The following HPSE2 variants were observed in gnomAD, a reference collection of about 807,000 sequenced individuals.
HPSE2 encodes the protein inactive heparanase-2.
A neutral mutation model predicts 60.5 loss-of-function variants in HPSE2; 38 were observed. The ratio of observed to expected loss-of-function variants is 0.63; its 90% CI spans 0.48 to 0.82. HPSE2 has a LOEUF of 0.82. Among genes scored for constraint, HPSE2 ranks in the 40% least tolerant of loss-of-function variants. The pLI, the probability that HPSE2 is intolerant of heterozygous loss-of-function variation, is 0.00. For synonymous variants in HPSE2, 295 were observed against 293.2 expected (o/e 1.01, Z -0.06); for missense variants, 713 against 740.4 (o/e 0.96, Z 0.43).
intron 6 of HPSE2, among the ~76,000 whole-genome samples, chr10:98,652,456 T>C (rs1172849303): frequency 3.9e-5 from 6 of 152,164 alleles, no homozygotes; most frequent in Non-Finnish European, 8.8e-5. Flanking sequence ...GTCCCTAAAG[T>C]GACCTCCCAT....
intron 3 of HPSE2, among the ~76,000 whole-genome samples, chr10:98,915,381 TC>T (rs767147694): frequency 6.6e-6 from 1 of 152,076 alleles, no homozygotes; most frequent in Non-Finnish European, 1.5e-5. Flanking sequence ...TCTCCTGACC[TC>T]CTGATCTGCC....
At chr10:99,190,775 T>G (rs2796762) in intron 2 of HPSE2, among the ~76,000 whole-genome samples, 22,614 of 152,182 alleles carry the variant, frequency 0.15, 1,989 homozygotes, top group Admixed American at 0.22. Flanking sequence ...AAAATCAGCT[T>G]GGGTACCAGC....
intron 3 of HPSE2, among the ~76,000 whole-genome samples, chr10:99,139,477 CTA>C (rs1249916196): frequency 6.6e-6 from 1 of 150,894 alleles, no homozygotes; most frequent in Non-Finnish European, 1.5e-5. Context: ...ATAAACAAAA[CTA>C]AAACTGAAAA....
intron 3 of HPSE2, among the ~76,000 whole-genome samples, chr10:98,882,087 C>T (rs1417762407): frequency 6.6e-6 from 1 of 152,008 alleles, no homozygotes; most frequent in African/African-American, 2.4e-5. Context: ...TCTTAGTTGG[C>T]TTTTCCCTCC....
At chr10:98,597,063 C>T (rs926295216) in intron 9 of HPSE2, among the ~76,000 whole-genome samples, 1 of 152,004 alleles carries the variant, frequency 6.6e-6, no homozygotes, top group Admixed American at 6.5e-5. Flanking sequence ...GGGGAAAGTC[C>T]CTTATAAAAC....
intron 2 of HPSE2, among the ~76,000 whole-genome samples, chr10:99,222,852 T>C (rs1420569022): frequency 6.6e-6 from 1 of 152,200 alleles, no homozygotes; most frequent in Non-Finnish European, 1.5e-5. Flanking sequence ...AACTATTTTG[T>C]GTCACAACCC....
intron 3 of HPSE2, among the ~76,000 whole-genome samples, chr10:98,928,739 C>CA (rs1954554473): frequency 7.5e-6 from 1 of 133,282 alleles, no homozygotes; most frequent in African/African-American, 3.3e-5. Flanking sequence ...ATCGCAAGAA[C>CA]AAAAAACCAA....
At chr10:99,018,787 T>G (rs569326405) in intron 3 of HPSE2, among the ~76,000 whole-genome samples, 11 of 152,322 alleles carry the variant, frequency 7.2e-5, no homozygotes, top group African/African-American at 2.4e-4. Context: ...ACTCCTTTTT[T>G]GCCCACTCCT....
At chr10:99,099,433 C>T (rs1279759869) in intron 3 of HPSE2, among the ~76,000 whole-genome samples, 1 of 152,154 alleles carries the variant, frequency 6.6e-6, no homozygotes, top group Non-Finnish European at 1.5e-5. Flanking sequence ...AAGGCAGCAG[C>T]GAGGCTGGGG....
At chr10:98,906,572 A>C (rs1201507408) in intron 3 of HPSE2, among the ~76,000 whole-genome samples, 4 of 152,192 alleles carry the variant, frequency 2.6e-5, no homozygotes, top group Non-Finnish European at 5.9e-5. Flanking sequence ...CAGACAGTAA[A>C]ATTTAGGTTA....
At chr10:98,856,079 A>G (rs569761220) in intron 3 of HPSE2, among the ~76,000 whole-genome samples, 6 of 152,212 alleles carry the variant, frequency 3.9e-5, no homozygotes, top group Non-Finnish European at 8.8e-5. Context: ...AACATCATCT[A>G]TACATACTAA....
At chr10:99,291,357 G>A in the HPSE2 span, among the ~76,000 whole-genome samples, 121 of 152,204 alleles carry the variant, frequency 7.9e-4, 1 homozygote, top group Middle Eastern at 3.4e-3. Flanking sequence ...AGGCCAAGGC[G>A]GGCAGATCAC....
intron 9 of HPSE2, among the ~76,000 whole-genome samples, chr10:98,542,037 TGAC>T (rs1943486340): frequency 2.0e-5 from 3 of 147,024 alleles, no homozygotes; most frequent in South Asian, 2.3e-4. Context: ...CCCTGACCCC[TGAC>T]CCCTGACCCC....
At chr10:99,022,274 T>G (rs189992431) in intron 3 of HPSE2, among the ~76,000 whole-genome samples, 26 of 151,920 alleles carry the variant, frequency 1.7e-4, no homozygotes, top group East Asian at 1.4e-3. Context: ...ACTCAGCTGA[T>G]GCCCACCCAC....
chr10:98,887,403 A>G (rs1390212699), intron 3 of HPSE2, among the ~76,000 whole-genome samples: 1 of 152,172 alleles, frequency 6.6e-6, no homozygotes, highest in African/African-American at 2.4e-5. Flanking sequence ...TACTATTAGC[A>G]TCTCCTCTCC....
intron 2 of HPSE2, among the ~76,000 whole-genome samples, chr10:99,165,081 C>CAAAAAAAAAAAAAA (rs56263581): frequency 1.5e-5 from 1 of 65,764 alleles, no homozygotes; most frequent in Non-Finnish European, 2.7e-5. Flanking sequence ...GACTCGGTCT[C>CAAAAAAAAAAAAAA]AAAAAAAAAA....
At chr10:98,847,115 TAAC>T (rs1023400117) in intron 3 of HPSE2, among the ~76,000 whole-genome samples, 13 of 152,264 alleles carry the variant, frequency 8.5e-5, no homozygotes, top group Admixed American at 7.2e-4. Flanking sequence ...TCAGATTCAA[TAAC>T]AACATTTGAC....
At chr10:99,091,632 A>T (rs1843518455) in intron 3 of HPSE2, among the ~76,000 whole-genome samples, 1 of 152,142 alleles carries the variant, frequency 6.6e-6, no homozygotes, top group Non-Finnish European at 1.5e-5. Flanking sequence ...AATATGCTCC[A>T]TTTGGCATTC....
At chr10:99,047,961 T>C in intron 3 of HPSE2, 1 of 729,024 alleles carries the variant, frequency 1.4e-6, no homozygotes, top group Non-Finnish European at 2.5e-6. Context: ...GTCCGAAAGA[T>C]GTTTCCGTTT....
Sources: allele counts gnomAD v4.1 joint callset (sites outside exome capture counted in the v4.1 genomes callset), GRCh38; gene constraint gnomAD v4.1.1; transcripts MANE v1.5; gene names NCBI Gene and HGNC (gene_info 2026-07-23, HGNC 2026-07-21).